The following CFAP61 variants were observed in gnomAD, a reference collection of about 807,000 sequenced individuals.
The protein encoded by CFAP61 is cilia- and flagella-associated protein 61.
In CFAP61, 107 loss-of-function variants were observed where a neutral mutation model predicts 135.6. The ratio of observed to expected loss-of-function variants is 0.79; its 90% confidence interval spans 0.67 to 0.93. The LOEUF is 0.93. Ranked by LOEUF, CFAP61 falls within the 40% of genes least tolerant of loss-of-function variation. The probability of loss-of-function intolerance (pLI) is 0.00; values close to 1 mark genes in which losing one functional copy is unlikely to be tolerated. For missense variants in CFAP61, 1,507 were observed against 1,556.2 expected (o/e 0.97, Z 0.53); for synonymous variants, 575 against 578.5 (o/e 0.99, Z 0.09).
At chr20:20,290,160 T>G in intron 23 of CFAP61, 140 bp from the exon 24 acceptor site, 1 of 643,870 alleles carries the variant, frequency 1.6e-6, no homozygotes, top group Non-Finnish European at 2.8e-6. Flanking sequence ...GAGTTCCTTG[T>G]TGTTAGTGGT....
intron 17 of CFAP61, among the ~76,000 whole-genome samples, chr20:20,211,629 T>C (rs2047647089): frequency 6.6e-6 from 1 of 152,228 alleles, no homozygotes; most frequent in African/African-American, 2.4e-5. Flanking sequence ...ATGAGCCATT[T>C]GGTCCGTCGA....
chr20:20,280,265 G>A (rs1487312105), intron 22 of CFAP61, among the ~76,000 whole-genome samples: 1 of 152,162 alleles, frequency 6.6e-6, no homozygotes, highest in Non-Finnish European at 1.5e-5. Flanking sequence ...GATGGCAGCT[G>A]CAAGTCATGG....
At chr20:20,072,091 C>CTTTTTTTTTT (rs71198039) in intron 3 of CFAP61, among the ~76,000 whole-genome samples, 7 of 57,638 alleles carry the variant, frequency 1.2e-4, no homozygotes, top group African/African-American at 1.7e-4. Context: ...ATCTAGCAAT[C>CTTTTTTTTTT]TTTTTTTTTT....
intron 8 of CFAP61, among the ~76,000 whole-genome samples, chr20:20,117,552 G>A (rs1031411620): frequency 3.3e-5 from 5 of 152,046 alleles, no homozygotes; most frequent in Admixed American, 6.6e-5. Flanking sequence ...TTTTGCTTAT[G>A]ATTGCTTTGG....
At chr20:20,264,408 A>C (rs1288693380) in intron 21 of CFAP61, among the ~76,000 whole-genome samples, 1 of 152,236 alleles carries the variant, frequency 6.6e-6, no homozygotes, top group Non-Finnish European at 1.5e-5. Context: ...TGGGATATAT[A>C]GATAGATTAT....
chr20:20,331,610 A>G (rs1035514142), intron 25 of CFAP61, among the ~76,000 whole-genome samples: 2 of 152,234 alleles, frequency 1.3e-5, no homozygotes, highest in African/African-American at 4.8e-5. Flanking sequence ...AAGAGCCATT[A>G]CTTTAACCAA....
chr20:20,251,166 C>T (rs2050856745), intron 19 of CFAP61, among the ~76,000 whole-genome samples: 2 of 152,172 alleles, frequency 1.3e-5, no homozygotes, highest in African/African-American at 4.8e-5. Flanking sequence ...GATTCTGACC[C>T]CTGGCTTTGG....
chr20:20,222,702 T>G (rs1238846230), intron 17 of CFAP61, among the ~76,000 whole-genome samples: 2 of 152,218 alleles, frequency 1.3e-5, no homozygotes, highest in African/African-American at 4.8e-5. Flanking sequence ...GAATTGCATT[T>G]TATGCCTGTG....
chr20:20,228,224 CTTT>C (rs1416105027), intron 17 of CFAP61, 22 bp from the exon 18 acceptor site: 28 of 1,587,980 alleles, frequency 1.8e-5, no homozygotes, highest in Non-Finnish European at 2.3e-5. Context: ...TTGACTCCTT[CTTT>C]GTCTTCGTAT....
intron 21 of CFAP61, chr20:20,265,497 A>T: frequency 1.3e-6 from 1 of 779,660 alleles, no homozygotes; most frequent in Non-Finnish European, 2.4e-6. Context: ...TTAAAGGGAA[A>T]TGTTTTTTCA....
chr20:20,105,823 T>C (rs1305475281), intron 8 of CFAP61, among the ~76,000 whole-genome samples: 1 of 147,498 alleles, frequency 6.8e-6, no homozygotes, highest in Non-Finnish European at 1.5e-5. Context: ...TTTTTTTTAG[T>C]AGAGATGGGG....
At chr20:20,260,883 G>A (rs941543623) in intron 20 of CFAP61, among the ~76,000 whole-genome samples, 3 of 152,144 alleles carry the variant, frequency 2.0e-5, no homozygotes, top group African/African-American at 7.2e-5. Context: ...TGTAGTTCCA[G>A]TGAGGTTTCA....
chr20:20,217,134 C>G (rs2048093595), intron 17 of CFAP61, among the ~76,000 whole-genome samples: 1 of 152,198 alleles, frequency 6.6e-6, no homozygotes, highest in African/African-American at 2.4e-5. Context: ...CCTTAGCATA[C>G]TCTGTAGGAA....
chr20:20,347,870 T>C (rs1602130410), intron 26 of CFAP61, among the ~76,000 whole-genome samples: 1 of 146,992 alleles, frequency 6.8e-6, no homozygotes, highest in African/African-American at 2.5e-5. Flanking sequence ...GAGGCAGAGG[T>C]TTCAGTGAGC....
intron 22 of CFAP61, among the ~76,000 whole-genome samples, chr20:20,279,415 C>T (rs2054014709): frequency 6.6e-6 from 1 of 152,080 alleles, no homozygotes; most frequent in African/African-American, 2.4e-5. Flanking sequence ...TATACTCTAT[C>T]CTCACCATAA....
At chr20:20,098,534 AG>A in intron 7 of CFAP61, 120 bp from the exon 8 acceptor site, 1 of 787,354 alleles carries the variant, frequency 1.3e-6, no homozygotes, top group South Asian at 2.1e-5. Context: ...GCTTGAACTG[AG>A]GAGGCGGAGG....
At chr20:20,064,537 G>A (rs75080851) in intron 2 of CFAP61, among the ~76,000 whole-genome samples, 6 of 152,172 alleles carry the variant, frequency 3.9e-5, no homozygotes, top group Admixed American at 1.3e-4. Flanking sequence ...AGCATCTACA[G>A]TGTGGATCTG....
chr20:20,088,780 C>T (rs2046980082), intron 6 of CFAP61, among the ~76,000 whole-genome samples: 1 of 152,102 alleles, frequency 6.6e-6, no homozygotes, highest in African/African-American at 2.4e-5. Flanking sequence ...CTGGCTCCCT[C>T]CTTCCCTCTG....
intron 25 of CFAP61, among the ~76,000 whole-genome samples, chr20:20,315,734 C>T (rs1396275537): frequency 5.3e-5 from 8 of 152,128 alleles, no homozygotes; most frequent in Admixed American, 3.9e-4. Flanking sequence ...AGGAAGGGAT[C>T]CAGTTTCAGC....
Sources: gnomAD v4.1 joint callset for allele counts (sites outside exome capture counted in the v4.1 genomes callset) on GRCh38, gnomAD v4.1.1 for gene constraint, MANE v1.5 for transcripts, NCBI Gene and HGNC (gene_info 2026-07-23, HGNC 2026-07-21) for gene names.